JAM3: variants seen among roughly 807,000 people sequenced by gnomAD.
JAM3 encodes the protein junctional adhesion molecule C.
A neutral mutation model predicts 39.4 loss-of-function variants in JAM3; 31 were observed. The observed-to-expected ratio is 0.79, with a 90% CI of 0.59 to 1.06. The LOEUF (loss-of-function observed/expected upper bound fraction) is 1.06, where lower values mean the gene tolerates loss of function less well. Ranked by LOEUF, JAM3 falls within the 50% of genes least tolerant of loss-of-function variation. JAM3 has a pLI of 0.00. For missense variants in JAM3, 455 were observed against 391.4 expected, an observed-to-expected ratio of 1.16 and a Z score of -1.37; for synonymous variants, 182 against 148.7, an observed-to-expected ratio of 1.22 and a Z score of -1.63.
Position 134,137,202 on chromosome 11 carries a change from A to G in JAM3, c.77-2649A>G, listed in dbSNP as rs1436807933. Among the ~76,000 whole-genome samples, 3 of 152,240 alleles carry G rather than the reference A, an allele frequency of 2.0e-5. No homozygotes were observed. In the East Asian group the frequency reaches 5.8e-4, roughly 29 times the overall value. On this transcript the variant is annotated intron_variant, in intron 1 of 8. Transcript: ENST00000299106. The stretch of plus-strand genomic sequence containing the variant: ...AAAGAAGTGACGATTGCCATTATTT[A>G]GCTTCTTTGAAGTTGTAAGAAACAA...
At position 134,071,227 on chromosome 11, in the gene JAM3, T is replaced by A. The variant is rs139995802; in HGVS notation, c.76+2068T>A. ...TTAATGTTTGCTAATTTATTTAATC[T>A]TGATAACTCTAAGAAGTCGTTACTA... On this transcript the variant is annotated intron_variant, in intron 1 of 8. Coordinates refer to ENST00000299106, the MANE Select transcript of JAM3 (RefSeq NM_032801.5). Among the ~76,000 whole-genome samples the A allele has an allele frequency of 2.4e-4, 37 of 152,364 alleles. No homozygotes were observed. The East Asian group carries it at 2.7e-3, about 11-fold the overall frequency.
chr11:134,087,834 C>T (rs972005621), intron 1 of JAM3, among the ~76,000 whole-genome samples: 3 of 152,202 alleles, frequency 2.0e-5, no homozygotes, highest in African/African-American at 7.2e-5. Flanking sequence ...TAAAGGTATT[C>T]TGTAAACCAG....
chr11:134,075,012 G>A (rs1051159896), intron 1 of JAM3, among the ~76,000 whole-genome samples: 2 of 149,546 alleles, frequency 1.3e-5, no homozygotes, highest in Admixed American at 6.6e-5. Flanking sequence ...TTTTTGGCAG[G>A]GGTGGGGCAT....
At chr11:134,118,404 A>G (rs746568528) in intron 1 of JAM3, among the ~76,000 whole-genome samples, 2 of 152,070 alleles carry the variant, frequency 1.3e-5, no homozygotes, top group African/African-American at 2.4e-5. Flanking sequence ...AACTGAGCCC[A>G]TGGTGAGTCA....
At chr11:134,107,388 G>A (rs1040279671) in intron 1 of JAM3, among the ~76,000 whole-genome samples, 4 of 152,096 alleles carry the variant, frequency 2.6e-5, no homozygotes, top group Admixed American at 6.6e-5. Flanking sequence ...TGTAAATGAC[G>A]AGTTAATGGG....
chr11:134,097,233 A>G (rs558548106), intron 1 of JAM3, among the ~76,000 whole-genome samples: 21 of 152,324 alleles, frequency 1.4e-4, no homozygotes, highest in African/African-American at 5.1e-4. Context: ...AATAGTTTGA[A>G]CTTTCCTTAG....
chr11:134,114,332 C>A (rs953539091), intron 1 of JAM3, among the ~76,000 whole-genome samples: 1 of 152,192 alleles, frequency 6.6e-6, no homozygotes, highest in Non-Finnish European at 1.5e-5. Flanking sequence ...ACATTTAAGT[C>A]TTTAATCCAT....
rs367727226 is a variant in JAM3 at position 134,144,954 on chromosome 11, G to A, written c.572G>A (p.Arg191His). 3.0e-5 allele frequency: 49 copies of A among 1,614,016 alleles called. No individual in the cohort carries two copies. Among genetic ancestry groups the A allele is most frequent in the African/African-American group, 2.1e-4 (16 of 74,904 alleles). ...PTDSRANPRF[R>H]NSSFHLNSET... ...GATTCCAGAGCCAATCCCAGATTTCGCAATTCTTCTTTCCACTTAAACTCT... is the reference window on the plus strand; with the variant it reads ...GATTCCAGAGCCAATCCCAGATTTCACAATTCTTCTTTCCACTTAAACTCT... Residue 191 changes from arginine (R) to histidine (H), a missense_variant, in exon 5 of 9, where the codon CGC becomes CAC. Physicochemically the swap from Arg to His is conservative, Grantham distance 29. Coordinates refer to ENST00000299106, the MANE Select transcript of JAM3 (RefSeq NM_032801.5).
chr11:134,111,099 C>G (rs1402576602), intron 1 of JAM3, among the ~76,000 whole-genome samples: 1 of 147,220 alleles, frequency 6.8e-6, no homozygotes, highest in South Asian at 2.1e-4. Flanking sequence ...TATGTCTACA[C>G]TACATGCCTG....
intron 1 of JAM3, among the ~76,000 whole-genome samples, chr11:134,130,860 G>A (rs939141228): frequency 9.2e-5 from 14 of 152,172 alleles, no homozygotes; most frequent in Non-Finnish European, 1.5e-4. Context: ...GCTTGTCTCT[G>A]TCTTGTATAA....
intron 1 of JAM3, chr11:134,123,904 G>A: frequency 9.5e-7 from 1 of 1,051,656 alleles, no homozygotes; most frequent in Non-Finnish European, 1.5e-6. Flanking sequence ...TAAAGCAGCT[G>A]TTTGGAATTG....
intron 1 of JAM3, among the ~76,000 whole-genome samples, chr11:134,104,424 G>A (rs374578395): frequency 1.1e-4 from 16 of 151,874 alleles, no homozygotes; most frequent in East Asian, 1.9e-4. Context: ...TAAAATTGAC[G>A]CCCTAACATC....
intron 1 of JAM3, among the ~76,000 whole-genome samples, chr11:134,121,239 C>T (rs1241333942): frequency 6.6e-6 from 1 of 152,174 alleles, no homozygotes; most frequent in Non-Finnish European, 1.5e-5. Flanking sequence ...GCATCAGATC[C>T]GCAGACTCTG....
intron 1 of JAM3, among the ~76,000 whole-genome samples, chr11:134,093,039 A>T (rs75390369): frequency 9.0e-6 from 1 of 111,062 alleles, no homozygotes; most frequent in Non-Finnish European, 1.8e-5. Context: ...CTTCTCCTGA[A>T]CCCTCCTTAT....
intron 1 of JAM3, among the ~76,000 whole-genome samples, chr11:134,115,506 A>G (rs183938856): frequency 1.3e-5 from 2 of 152,216 alleles, no homozygotes; most frequent in Admixed American, 6.5e-5. Context: ...GCTATAACTT[A>G]TGACCTTGAT....
intron 1 of JAM3, among the ~76,000 whole-genome samples, chr11:134,076,630 G>C (rs1383075059): frequency 6.6e-6 from 1 of 152,086 alleles, no homozygotes; most frequent in East Asian, 1.9e-4. Context: ...ATTAATCTGT[G>C]AAAATCTAGG....
intron 1 of JAM3, among the ~76,000 whole-genome samples, chr11:134,115,136 C>T (rs1334759735): frequency 6.6e-6 from 1 of 152,132 alleles, no homozygotes; most frequent in African/African-American, 2.4e-5. Flanking sequence ...TATGAACTAA[C>T]CTTTTTTATC....
Position 134,148,081 on chromosome 11 carries a change from T to C in JAM3, c.713-466T>C, listed in dbSNP as rs1273251165. On this transcript the variant is annotated intron_variant, in intron 6 of 8. Transcript: ENST00000299106. ...AGCTCTAGTTCTTACCTAGGATTCT[T>C]TACTTGTTTGTTTTTTGAGACAGAT... 9.4e-5 allele frequency: 21 copies of C among 223,132 alleles called. 1 individual carries two copies. Among genetic ancestry groups the C allele is most frequent in the Middle Eastern group, 1.8e-3 (1 of 548 alleles). The allele number at this position is 223,132 out of a possible 1,614,324, so 13.8% of individuals were successfully genotyped here.
At chr11:134,092,906 A>G (rs1337800244) in intron 1 of JAM3, among the ~76,000 whole-genome samples, 5 of 146,754 alleles carry the variant, frequency 3.4e-5, no homozygotes, top group East Asian at 2.1e-4. Context: ...CTCCTTATTC[A>G]TCATGTTCCA....
Sources: allele counts gnomAD v4.1 joint callset (sites outside exome capture counted in the v4.1 genomes callset), GRCh38; gene constraint gnomAD v4.1.1; transcripts MANE v1.5; gene names NCBI Gene and HGNC (gene_info 2026-07-23, HGNC 2026-07-21).